MUTYH: variants seen among roughly 807,000 people sequenced by gnomAD.
MUTYH encodes the protein mutY DNA glycosylase.
In MUTYH, 64 loss-of-function variants were observed where a neutral mutation model predicts 72.9. That is an observed-to-expected ratio of 0.88 (90% CI 0.72 to 1.08). The LOEUF (loss-of-function observed/expected upper bound fraction) is 1.08, where lower values mean the gene tolerates loss of function less well. Among genes scored for constraint, MUTYH ranks in the 50% least tolerant of loss-of-function variants. The probability of loss-of-function intolerance (pLI) is 0.00; values close to 1 mark genes in which losing one functional copy is unlikely to be tolerated. For missense variants in MUTYH, 633 were observed against 671.0 expected (o/e 0.94, Z 0.63); for synonymous variants, 234 against 263.1 (o/e 0.89, Z 1.07).
chr1:45,338,522 A>T, intron 1 of MUTYH: 2 of 334,386 alleles, frequency 6.0e-6, no homozygotes, highest in Non-Finnish European at 1.2e-5. Flanking sequence ...GTAATTTTAC[A>T]TTACTTTGAT....
chr1:45,333,250 G>A, intron 4 of MUTYH, 35 bp downstream of exon 4: 1 of 1,614,188 alleles, frequency 6.2e-7, no homozygotes, highest in Non-Finnish European at 8.5e-7. Flanking sequence ...AGGGCCTCGA[G>A]GCAAAGTGGC....
upstream of MUTYH, chr1:45,340,111 C>G: frequency 6.4e-7 from 1 of 1,557,930 alleles, no homozygotes. Flanking sequence ...GCGCCGGACC[C>G]GGGACGTCTG....
chr1:45,339,510 G>A (rs911964045), intron 1 of MUTYH, among the ~76,000 whole-genome samples: 1 of 152,062 alleles, frequency 6.6e-6, no homozygotes, highest in East Asian at 1.9e-4. Context: ...CACCGCGCCC[G>A]GCCTAGGAAC....
chr1:45,333,655 T>G, intron 2 of MUTYH, 94 bp from the exon 3 acceptor site: 2 of 1,547,092 alleles, frequency 1.3e-6, no homozygotes, highest in Non-Finnish European at 1.7e-6. Flanking sequence ...TGCTCCCACT[T>G]AGGGCTTCCC....
chr1:45,333,526 C>G lies in MUTYH; in HGVS notation c.151G>C (p.Ala51Pro), dbSNP rs1645377017. 2 of 1,614,190 alleles carry G rather than the reference C, an allele frequency of 1.2e-6. No individual in the cohort carries two copies. The highest frequency in any genetic ancestry group is 1.1e-5 in the South Asian group (1 of 91,090). The part of the protein sequence containing the change: ...ARQPEEVVLQ[A>P]SVSSYHLFRD... ...AATAGATGGTATGAGGAGACAGAGG[C>G]CTGCAATACCACCTCTTCCGGCTGC... is the stretch of plus-strand genomic sequence containing the variant. The change falls in exon 3 of 16, where the codon GCC becomes CCC. Residue 51 changes from alanine (A) to proline (P), a missense_variant. Ala to Pro is a conservative substitution (Grantham distance 27). Transcript: ENST00000456914.
In MUTYH at chr1:45,334,460, C is replaced by T; in HGVS notation, c.46G>A (p.Ala16Thr). ...TTCTGCCTCCCTTCCTGGCTGGCTG[C>T]CTGCTTCCTGTGACCACTTCCCACG... ...AAVGSGHRKQ[A>T]ASQEGRQKHA... Residue 16 changes from alanine to threonine, a missense_variant, in exon 2 of 16, where the codon GCA becomes ACA. By Grantham distance (58) the Ala-to-Thr change is moderately conservative. Transcript: ENST00000456914. 1.9e-6 allele frequency: 3 copies of T among 1,614,182 alleles called. No individual in the cohort carries two copies. Among genetic ancestry groups the T allele is most frequent in the Non-Finnish European group, 2.5e-6 (3 of 1,180,020 alleles).
At chr1:45,337,472 C>A (rs1244215532) in intron 1 of MUTYH, among the ~76,000 whole-genome samples, 2 of 152,014 alleles carry the variant, frequency 1.3e-5, no homozygotes, top group Admixed American at 6.6e-5. Context: ...CCATTATATT[C>A]TTTTATTTTC....
chr1:45,340,109 C>G (rs1427178492), upstream of MUTYH: 2 of 1,556,538 alleles, frequency 1.3e-6, no homozygotes, highest in Admixed American at 1.9e-5. Flanking sequence ...CCGCGCCGGA[C>G]CCGGGACGTC....
At chr1:45,339,567 G>T in intron 1 of MUTYH, 1 of 334,230 alleles carries the variant, frequency 3.0e-6, no homozygotes, top group South Asian at 2.2e-5. Flanking sequence ...CCGCCTAGCT[G>T]CTTCACAATT....
At chr1:45,334,044 TTG>T (rs1645476473) in intron 2 of MUTYH, 1 of 383,010 alleles carries the variant, frequency 2.6e-6, no homozygotes, top group African/African-American at 2.1e-5. Context: ...TCTGGCTCTG[TTG>T]CCCAGACTGA....
At chr1:45,337,057 A>T (rs183879158) in intron 1 of MUTYH, among the ~76,000 whole-genome samples, 47 of 151,700 alleles carry the variant, frequency 3.1e-4, no homozygotes, top group Admixed American at 2.8e-3. Flanking sequence ...TTACTTCCAC[A>T]TTCATTCTAC....
At chr1:45,339,200 T>C (rs919266880) in intron 1 of MUTYH, among the ~76,000 whole-genome samples, 1 of 145,206 alleles carries the variant, frequency 6.9e-6, no homozygotes, top group South Asian at 2.1e-4. Context: ...TAGTCTCCAA[T>C]AGGAATTTTT....
chr1:45,339,844 A>T (rs1646689144), intron 1 of MUTYH, 55 bp downstream of exon 1: 1 of 1,334,708 alleles, frequency 7.5e-7, no homozygotes, highest in South Asian at 1.2e-5. Flanking sequence ...AGCTCAGCTC[A>T]GGCAGCGTCA....
intron 14 of MUTYH, 24 bp downstream of exon 14, chr1:45,331,158 C>T: frequency 6.2e-7 from 1 of 1,613,792 alleles, no homozygotes; most frequent in Non-Finnish European, 8.5e-7. Context: ...CAAGGAAGTA[C>T]AACAAAGACA....
chr1:45,329,246 T>C lies in MUTYH; in HGVS notation c.*60A>G. Reference sequence around the variant, plus strand: ...TCAAAAAAATACAACATAAAATAACTACAAAAATAAGCACTTTACTAACAA... The same window carrying C: ...TCAAAAAAATACAACATAAAATAACCACAAAAATAAGCACTTTACTAACAA... On this transcript the variant is annotated 3_prime_UTR_variant, in exon 16 of 16. Transcript: ENST00000456914. The C allele has an allele frequency of 6.2e-7, 1 of 1,609,270 alleles. No individual in the cohort carries two copies. The highest frequency in any genetic ancestry group is 8.5e-7 in the Non-Finnish European group (1 of 1,175,930).
At chr1:45,340,310 C>T (rs2149249941), upstream of MUTYH, 1 of 1,611,720 alleles carries the variant, frequency 6.2e-7, no homozygotes, top group South Asian at 1.1e-5. Flanking sequence ...CGACGGTGAG[C>T]GGCTTCCCAG....
At chr1:45,337,306 C>G (rs1646042050) in intron 1 of MUTYH, among the ~76,000 whole-genome samples, 1 of 151,764 alleles carries the variant, frequency 6.6e-6, no homozygotes, top group Non-Finnish European at 1.5e-5. Flanking sequence ...AGGCGCACAC[C>G]ACCACCACAT....
At position 45,332,657 on chromosome 1, in the gene MUTYH, G is replaced by A. The variant is rs587780748; in HGVS notation, c.523C>T (p.Arg175Cys). 1.7e-5 allele frequency: 27 copies of A among 1,613,988 alleles called. No homozygotes were observed. The highest frequency in any genetic ancestry group is 1.0e-4 in the Admixed American group (6 of 60,004). The stretch of plus-strand genomic sequence containing the variant: ...AGCTGCTGCAGGGTCTCTGCTGTAC[G>A]TGGCATGTGGCCCCCTAGCTCCTCT... Reference protein sequence around the residue: ...VVEELGGHMPRTAETLQQLLP... With the variant: ...VVEELGGHMPCTAETLQQLLP... The change falls in exon 8 of 16, where the codon CGT (arginine) becomes TGT (cysteine). Residue 175 changes from arginine (R) to cysteine (C), a missense_variant. By Grantham distance (180) the Arg-to-Cys change is radical. Coordinates refer to ENST00000456914, the MANE Select transcript of MUTYH (RefSeq NM_001048174.2).
At position 45,329,248 on chromosome 1, in the gene MUTYH, CA is replaced by C; in HGVS notation, c.*57del. The C allele has an allele frequency of 6.2e-7, 1 of 1,610,760 alleles. No homozygotes were observed. Among genetic ancestry groups the C allele is most frequent in the Non-Finnish European group, 8.5e-7 (1 of 1,177,234 alleles). On this transcript the variant is annotated 3_prime_UTR_variant, in exon 16 of 16. Transcript: ENST00000456914. ...AAAAAAATACAACATAAAATAACTACAAAAATAAGCACTTTACTAACAACAG... is the reference window on the plus strand; with the variant it reads ...AAAAAAATACAACATAAAATAACTACAAAATAAGCACTTTACTAACAACAG...
Sources: allele counts gnomAD v4.1 joint callset (sites outside exome capture counted in the v4.1 genomes callset), GRCh38; gene constraint gnomAD v4.1.1; transcripts MANE v1.5; gene names NCBI Gene and HGNC (gene_info 2026-07-23, HGNC 2026-07-21).